Variants in CDH23 observed in about 807,000 individuals in gnomAD.
The protein encoded by CDH23 is cadherin related 23.
CDH23 carries 189 observed loss-of-function variants against 317.1 expected under a neutral mutation model. That is an observed-to-expected ratio of 0.60 (90% CI 0.53 to 0.67). The LOEUF (loss-of-function observed/expected upper bound fraction) is 0.67, where lower values mean the gene tolerates loss of function less well. CDH23 is among the 30% of genes least tolerant of loss of function. The pLI is 0.00. For missense variants in CDH23, 4,401 were observed against 4,592.4 expected (o/e 0.96, Z 1.20); for synonymous variants, 1,839 against 1,876.8 (o/e 0.98, Z 0.52).
intron 14 of CDH23, among the ~76,000 whole-genome samples, chr10:71,651,292 G>A (rs1270532983): frequency 6.6e-6 from 1 of 151,566 alleles, no homozygotes; most frequent in South Asian, 2.1e-4. Flanking sequence ...CACTTTGGGA[G>A]GCCAAGGCAA....
intron 3 of CDH23, among the ~76,000 whole-genome samples, chr10:71,472,713 G>A (rs1851582114): frequency 6.6e-6 from 1 of 152,218 alleles, no homozygotes; most frequent in Non-Finnish European, 1.5e-5. Context: ...GGGTCTGGAG[G>A]TGGCAGCAAG....
intron 3 of CDH23, among the ~76,000 whole-genome samples, chr10:71,489,594 GGTGTGT>G (rs34392048): frequency 1.1e-3 from 159 of 139,880 alleles, no homozygotes; most frequent in South Asian, 3.6e-3. Context: ...AGTGCCTCGG[GGTGTGT>G]GTGTGTGTGT....
intron 9 of CDH23, among the ~76,000 whole-genome samples, chr10:71,612,950 G>T (rs1322790814): frequency 6.6e-6 from 1 of 152,244 alleles, no homozygotes; most frequent in Non-Finnish European, 1.5e-5. Context: ...CCAGCTTCAA[G>T]CGATTCTCAT....
intron 9 of CDH23, among the ~76,000 whole-genome samples, chr10:71,585,742 C>T (rs1378426736): frequency 6.6e-6 from 1 of 152,230 alleles, no homozygotes; most frequent in Non-Finnish European, 1.5e-5. Flanking sequence ...TTCCTGCCAG[C>T]CGGCCTCTCC....
chr10:71,666,969 C>G (rs557752878), intron 14 of CDH23, among the ~76,000 whole-genome samples: 2 of 152,364 alleles, frequency 1.3e-5, no homozygotes, highest in African/African-American at 4.8e-5. Flanking sequence ...TAAATTTCTG[C>G]TCCATCAATC....
chr10:71,523,065 C>T (rs1854793967), intron 6 of CDH23, among the ~76,000 whole-genome samples: 1 of 152,160 alleles, frequency 6.6e-6, no homozygotes, highest in African/African-American at 2.4e-5. Flanking sequence ...TGGGGTTTTA[C>T]TGCCCGGCTG....
intron 1 of CDH23, among the ~76,000 whole-genome samples, chr10:71,431,232 C>G (rs1283411698): frequency 6.6e-6 from 1 of 152,220 alleles, no homozygotes; most frequent in African/African-American, 2.4e-5. Flanking sequence ...GAGGGGAACT[C>G]AGAGACACCA....
chr10:71,688,924 AGCCAGGG>A, intron 19 of CDH23, among the ~76,000 whole-genome samples: 9 of 121,318 alleles, frequency 7.4e-5, no homozygotes, highest in Non-Finnish European at 9.5e-5. Flanking sequence ...GGGGTGGTGG[AGCCAGGG>A]GTGGTGGAGC....
intron 6 of CDH23, among the ~76,000 whole-genome samples, chr10:71,533,933 C>CA (rs56216574): frequency 0.4 from 59,931 of 151,528 alleles, 13,600 homozygotes; most frequent in African/African-American, 0.62. Context: ...CCTGAGGTTT[C>CA]AAAACCAGCA....
At chr10:71,789,851 A>C (rs1007413990) in intron 45 of CDH23, among the ~76,000 whole-genome samples, 2 of 152,248 alleles carry the variant, frequency 1.3e-5, no homozygotes, top group African/African-American at 4.8e-5. Context: ...CCATGTGAAC[A>C]CAGAACTTGA....
chr10:71,550,861 G>A (rs1443098308), intron 6 of CDH23, among the ~76,000 whole-genome samples: 1 of 152,158 alleles, frequency 6.6e-6, no homozygotes, highest in Non-Finnish European at 1.5e-5. Context: ...GTCCTGGGGT[G>A]GGTGGAGGAG....
chr10:71,457,306 A>T (rs1850743464), intron 3 of CDH23, among the ~76,000 whole-genome samples: 1 of 152,214 alleles, frequency 6.6e-6, no homozygotes, highest in South Asian at 2.1e-4. Context: ...GGTTACCTGC[A>T]CAATCTTGTT....
chr10:71,695,670 G>A (rs547588702), intron 22 of CDH23, 145 bp downstream of exon 22: 26 of 630,160 alleles, frequency 4.1e-5, no homozygotes, highest in African/African-American at 2.4e-4. Context: ...GAGTTCTAGC[G>A]GTTCTCCTGC....
At chr10:71,416,271 C>T (rs555937227) in intron 1 of CDH23, among the ~76,000 whole-genome samples, 67 of 152,208 alleles carry the variant, frequency 4.4e-4, no homozygotes, top group Non-Finnish European at 7.6e-4. Context: ...GTGATCCGCC[C>T]GCCTTGGCCT....
At chr10:71,710,464 A>G (rs1865931465) in intron 27 of CDH23, among the ~76,000 whole-genome samples, 1 of 152,156 alleles carries the variant, frequency 6.6e-6, no homozygotes, top group Non-Finnish European at 1.5e-5. Context: ...AACCTCCAGG[A>G]AGACAGTGCC....
At chr10:71,412,167 T>G (rs1009026632) in intron 1 of CDH23, among the ~76,000 whole-genome samples, 4 of 152,254 alleles carry the variant, frequency 2.6e-5, no homozygotes, top group African/African-American at 9.6e-5. Context: ...CTGAATAATA[T>G]TCCATGTATG....
intron 1 of CDH23, among the ~76,000 whole-genome samples, chr10:71,419,559 T>C (rs946279579): frequency 2.6e-5 from 4 of 152,108 alleles, no homozygotes; most frequent in African/African-American, 9.7e-5. Context: ...CCCCTAACAT[T>C]TTAATTAATT....
chr10:71,730,468 G>A lies in CDH23; in HGVS notation c.3580-1G>A. 1 of 1,613,588 alleles carries A rather than the reference G, an allele frequency of 6.2e-7. No individual in the cohort carries two copies. The highest frequency in any genetic ancestry group is 8.5e-7 in the Non-Finnish European group (1 of 1,179,836). On this transcript the variant is annotated splice_acceptor_variant, in intron 30 of 69. Transcript: ENST00000224721. LOFTEE classifies it high-confidence loss of function. ...TTGCACCCCTGGCCCGGCTCCCACA[G>A]GTGATTGTGTACGTGGAGGACATCA...
chr10:71,465,024 A>G (rs982768178), intron 3 of CDH23, among the ~76,000 whole-genome samples: 4 of 152,218 alleles, frequency 2.6e-5, no homozygotes, highest in African/African-American at 9.6e-5. Flanking sequence ...CACTTATTTC[A>G]GTGTGAGATA....
Sources: allele counts gnomAD v4.1 joint callset (sites outside exome capture counted in the v4.1 genomes callset), GRCh38; gene constraint gnomAD v4.1.1; transcripts MANE v1.5; gene names NCBI Gene and HGNC (gene_info 2026-07-23, HGNC 2026-07-21).